The following ADAMTS1 variants were observed in gnomAD, a reference collection of about 807,000 sequenced individuals.
The protein encoded by ADAMTS1 is A disintegrin and metalloproteinase with thrombospondin motifs 1.
ADAMTS1 carries 19 observed loss-of-function variants against 87.9 expected under a neutral mutation model. The ratio of observed to expected loss-of-function variants is 0.22; its 90% CI spans 0.15 to 0.32. The LOEUF (loss-of-function observed/expected upper bound fraction) is 0.32, where lower values mean the gene tolerates loss of function less well. Ranked by LOEUF, ADAMTS1 falls within the 10% of genes least tolerant of loss-of-function variation. ADAMTS1 has a pLI of 1.00. For missense variants in ADAMTS1, 1,240 were observed against 1,259.1 expected (o/e 0.98, Z 0.23); for synonymous variants, 542 against 501.8 (o/e 1.08, Z -1.07).
In ADAMTS1 at chr21:26,838,048, C is replaced by A. The variant is rs747684126; in HGVS notation, c.2435G>T (p.Arg812Leu). 6.2e-7 allele frequency: 1 copy of A among 1,614,022 alleles called. No homozygotes were observed. Among genetic ancestry groups the A allele is most frequent in the East Asian group, 2.2e-5 (1 of 44,886 alleles). ...SGSSAALERI[R>L]SFSPLKEPLT... ...GGGCTCTTTGAGAGGGCTAAAGCTG[C>A]GAATTCTTTCCAATGCCGCAGAGGA... The change falls in exon 9 of 9, where the codon CGC becomes CTC. Residue 812 changes from arginine to leucine, a missense_variant. Around this residue, in one of 3 missense-constraint regions of ADAMTS1, gnomAD observed 402 missense variants for 399.1 expected, o/e 1.01. Transcript: ENST00000284984.
chr21:26,838,627 C>T lies in ADAMTS1; in HGVS notation c.2029-13G>A, dbSNP rs1291954987. ...TACCATCTACAACCTGAAAAAAGGACACATGTCTAGTGTTACATACAAGCA... is the reference window on the plus strand; with the variant it reads ...TACCATCTACAACCTGAAAAAAGGATACATGTCTAGTGTTACATACAAGCA... On this transcript the variant is annotated splice_polypyrimidine_tract_variant and intron_variant, in intron 7 of 8. Coordinates refer to ENST00000284984, the MANE Select transcript of ADAMTS1 (RefSeq NM_006988.5). The T allele has an allele frequency of 3.1e-6, 5 of 1,612,030 alleles. No individual in the cohort carries two copies. The Admixed American group carries it at 8.3e-5, about 27-fold the overall frequency.
intron 7 of ADAMTS1, chr21:26,838,837 T>C (rs1298653098): frequency 1.1e-5 from 5 of 459,128 alleles, no homozygotes; most frequent in South Asian, 4.9e-5. Flanking sequence ...TATTTATCTA[T>C]TGACCTATGT....
chr21:26,837,578 C>T lies in ADAMTS1; in HGVS notation c.*1G>A, dbSNP rs1985392970. 2 of 1,613,574 alleles carry T rather than the reference C, an allele frequency of 1.2e-6. No individual in the cohort carries two copies. Among genetic ancestry groups the T allele is most frequent in the East Asian group, 4.5e-5 (2 of 44,872 alleles). ...CTCAAAGCTAACACCACTTAAACCA[C>T]TTAACTGCATTCTGCCATTGTGCAA... is the stretch of plus-strand genomic sequence containing the variant. On this transcript the variant is annotated 3_prime_UTR_variant, in exon 9 of 9. Transcript: ENST00000284984.
intron 7 of ADAMTS1, 90 bp downstream of exon 7, chr21:26,839,497 G>T: frequency 8.3e-7 from 1 of 1,208,948 alleles, no homozygotes. Context: ...TGTTAATATG[G>T]AAAGCAAAGA....
Position 26,840,462 on chromosome 21 carries a change from C to A in ADAMTS1, c.1479G>T (p.Gly493=). Residue 493 remains glycine, a synonymous_variant, in exon 5 of 9, where the codon GGG becomes GGT. Coordinates refer to ENST00000284984, the MANE Select transcript of ADAMTS1 (RefSeq NM_006988.5). ...DANRQCQFTF[G]EDSKHCPDAA... is the part of the protein sequence containing the mutation. ...CATCGGGGCAGTGTTTGGAGTCCTC[C>A]CCAAATGTAAACTGGCACTGCCGGT... 1 of 1,614,110 alleles carries A rather than the reference C, an allele frequency of 6.2e-7. No individual in the cohort carries two copies. Among genetic ancestry groups the A allele is most frequent in the Non-Finnish European group, 8.5e-7 (1 of 1,179,980 alleles).
chr21:26,844,722 A>G lies in ADAMTS1; in HGVS notation c.233T>C (p.Leu78Pro). 6.3e-7 allele frequency: 1 copy of G among 1,579,662 alleles called. No homozygotes were observed. Among genetic ancestry groups the G allele is most frequent in the Non-Finnish European group, 8.6e-7 (1 of 1,161,600 alleles). Residue 78 changes from leucine to proline, a missense_variant, in exon 1 of 9, where the codon CTG becomes CCG. Physicochemically the swap from Leu to Pro is moderately conservative, Grantham distance 98. Coordinates refer to ENST00000284984, the MANE Select transcript of ADAMTS1 (RefSeq NM_006988.5). ...APGHGTTRLR[L>P]HAFDQQLDLE... Reference sequence around the variant, plus strand: ...ATCCAGCTGCTGGTCAAAGGCGTGCAGGCGGAGGCGCGTGGTCCCGTGTCC... The same window carrying G: ...ATCCAGCTGCTGGTCAAAGGCGTGCGGGCGGAGGCGCGTGGTCCCGTGTCC...
rs1985407888 is a variant in ADAMTS1 at position 26,838,002 on chromosome 21, A to C, written c.2481T>G (p.Thr827=). 3 of 1,614,126 alleles carry C rather than the reference A, an allele frequency of 1.9e-6. No homozygotes were observed. Among genetic ancestry groups the C allele is most frequent in the Non-Finnish European group, 2.5e-6 (3 of 1,180,056 alleles). ...TTTTAGGTCGAAGGGCATTGCCCAC[A>C]GTAAGAACCTGGATGGTCAAGGGCT... is the stretch of plus-strand genomic sequence containing the variant. ...LKEPLTIQVL[T]VGNALRPKIK... is the part of the protein sequence containing the mutation. Residue 827 remains threonine (T), a synonymous_variant, in exon 9 of 9, where the codon ACT becomes ACG. Coordinates refer to ENST00000284984, the MANE Select transcript of ADAMTS1 (RefSeq NM_006988.5).
Position 26,842,476 on chromosome 21 carries a change from C to A in ADAMTS1, c.940G>T (p.Asp314Tyr). The change falls in exon 2 of 9, where the codon GAT becomes TAT. Residue 314 changes from aspartate (D) to tyrosine (Y), a missense_variant. Asp to Tyr is a radical substitution (Grantham distance 160, BLOSUM62 -3). This residue lies in a region of ADAMTS1 where 521 missense variants were observed against 449.7 expected (regional missense o/e 1.16). Coordinates refer to ENST00000284984, the MANE Select transcript of ADAMTS1 (RefSeq NM_006988.5). ...GTCACTTCCGGCCCCTTCTGTTCAT[C>A]GTGGATGACCAAGATCTTCACCACC... ...LVVVKILVIHDEQKGPEVTSN... is the reference protein window; with the variant it reads ...LVVVKILVIHYEQKGPEVTSN... 1.2e-6 allele frequency: 2 copies of A among 1,614,086 alleles called. No homozygotes were observed. The highest frequency in any genetic ancestry group is 1.6e-4 in the Middle Eastern group (1 of 6,062).
Position 26,837,541 on chromosome 21 carries a change from C to A in ADAMTS1, c.*38G>T. ...CTTTCCCTGCACCAGCCCTTCCTCA[C>A]TTTGCCTTGCCCTCAAAGCTAACAC... On this transcript the variant is annotated 3_prime_UTR_variant, in exon 9 of 9. Transcript: ENST00000284984. 1 of 1,589,306 alleles carries A rather than the reference C, an allele frequency of 6.3e-7. No homozygotes were observed. The highest frequency in any genetic ancestry group is 1.1e-5 in the South Asian group (1 of 88,754).
Position 26,838,202 on chromosome 21 carries a change from A to C in ADAMTS1, c.2281T>G (p.Ser761Ala). The part of the protein sequence containing the change: ...IEVKQRNQRG[S>A]RNNGSFLAIK... ...GCAAGAAAGCTGCCATTGTTCCTGG[A>C]TCCCCTCTGGTTCCGCTGTTTCACT... The change falls in exon 9 of 9, where the codon TCC becomes GCC. Residue 761 changes from serine to alanine, a missense_variant. This residue lies in a region of ADAMTS1 where 402 missense variants were observed against 399.1 expected (regional missense o/e 1.01). Transcript: ENST00000284984. The C allele has an allele frequency of 6.2e-7, 1 of 1,614,048 alleles. No homozygotes were observed. The highest frequency in any genetic ancestry group is 1.7e-5 in the Admixed American group (1 of 60,016).
rs139811287 is a variant in ADAMTS1 at position 26,836,769 on chromosome 21, C to G, written c.*810G>C. On this transcript the variant is annotated 3_prime_UTR_variant, in exon 9 of 9. Transcript: ENST00000284984. ...AGTTACTTCTTTACATCCATATTCCCAAAGCAGGGTTACATGGTAGGAAAG... is the reference window on the plus strand; with the variant it reads ...AGTTACTTCTTTACATCCATATTCCGAAAGCAGGGTTACATGGTAGGAAAG... 215 of 152,466 alleles carry G rather than the reference C, an allele frequency of 1.4e-3. 1 individual carries two copies. The highest frequency in any genetic ancestry group is 4.7e-3 in the African/African-American group (195 of 41,562). The allele number at this position is 152,466 out of a possible 1,614,324, so 9.4% of individuals were successfully genotyped here.
chr21:26,845,168 T>G lies in ADAMTS1; in HGVS notation c.-214A>C. 1.8e-6 allele frequency: 1 copy of G among 558,818 alleles called. No homozygotes were observed. The highest frequency in any genetic ancestry group is 2.7e-6 in the Non-Finnish European group (1 of 370,104). The allele number at this position is 558,818 out of a possible 1,614,324, so 34.6% of individuals were successfully genotyped here. A position where few individuals can be genotyped will look rare whatever the true frequency, so the allele number is the denominator to read the frequency against. ...TCTGCCGGCGCGCGGGAAGTTTTTCTTCCAGCGCAAAGTTGGAGACACTGA... is the reference window on the plus strand; with the variant it reads ...TCTGCCGGCGCGCGGGAAGTTTTTCGTCCAGCGCAAAGTTGGAGACACTGA... On this transcript the variant is annotated 5_prime_UTR_variant, in exon 1 of 9. Coordinates refer to ENST00000284984, the MANE Select transcript of ADAMTS1 (RefSeq NM_006988.5).
In ADAMTS1 at chr21:26,842,530, G is replaced by T. The variant is rs775147853; in HGVS notation, c.886C>A (p.Pro296Thr). ...FSVAARLYKH[P>T]SIRNSVSLVV... ...AGGCTAACTGAATTACGAATGCTGG[G>T]GTGTTTGTACAATCTGGCTGCCACC... The change falls in exon 2 of 9, where the codon CCC becomes ACC. Residue 296 changes from proline to threonine, a missense_variant. Pro to Thr is a conservative substitution (Grantham distance 38). Coordinates refer to ENST00000284984, the MANE Select transcript of ADAMTS1 (RefSeq NM_006988.5). The T allele has an allele frequency of 3.1e-6, 5 of 1,614,128 alleles. No homozygotes were observed. The highest frequency in any genetic ancestry group is 2.5e-6 in the Non-Finnish European group (3 of 1,180,028).
chr21:26,841,835 C>T (rs1985499728), intron 3 of ADAMTS1, 23 bp downstream of exon 3: 13 of 1,604,782 alleles, frequency 8.1e-6, no homozygotes, highest in African/African-American at 1.3e-5. Flanking sequence ...TTGAGCTTAA[C>T]TTCTACTTTG....
In ADAMTS1 at chr21:26,845,124, TA is replaced by T; in HGVS notation, c.-171del. ...CTACAGCCGAAGCTCCCGGAGTCACTAAAAGGAGGCGCTGCAGTTCTGCCGG... is the reference window on the plus strand; with the variant it reads ...CTACAGCCGAAGCTCCCGGAGTCACTAAAGGAGGCGCTGCAGTTCTGCCGG... On this transcript the variant is annotated 5_prime_UTR_variant, in exon 1 of 9. Transcript: ENST00000284984. 1.0e-6 allele frequency: 1 copy of T among 962,302 alleles called. No homozygotes were observed. The allele number at this position is 962,302 out of a possible 1,614,324, so 59.6% of individuals were successfully genotyped here. A position where few individuals can be genotyped will look rare whatever the true frequency, so the allele number is the denominator to read the frequency against.
In ADAMTS1 at chr21:26,844,976, T is replaced by A. The variant is rs1018121674; in HGVS notation, c.-22A>T. The A allele has an allele frequency of 2.0e-6, 3 of 1,494,472 alleles. No individual in the cohort carries two copies. Among genetic ancestry groups the A allele is most frequent in the Non-Finnish European group, 2.7e-6 (3 of 1,125,496 alleles). 92.6% of individuals were successfully genotyped at this position (1,494,472 alleles called of 1,614,324 possible). ...GCATTGGAGCCCCAGGAGACACCGCTCGTAGCAGCGCACGGAGCGAGGGAC... is the reference window on the plus strand; with the variant it reads ...GCATTGGAGCCCCAGGAGACACCGCACGTAGCAGCGCACGGAGCGAGGGAC... On this transcript the variant is annotated 5_prime_UTR_variant, in exon 1 of 9. Coordinates refer to ENST00000284984, the MANE Select transcript of ADAMTS1 (RefSeq NM_006988.5).
Position 26,840,326 on chromosome 21 carries a change from A to G in ADAMTS1, c.1615T>C (p.Trp539Arg), listed in dbSNP as rs759841803. 2 of 1,614,018 alleles carry G rather than the reference A, an allele frequency of 1.2e-6. No individual in the cohort carries two copies. The highest frequency in any genetic ancestry group is 1.1e-5 in the South Asian group (1 of 91,082). Residue 539 changes from tryptophan (W) to arginine (R), a missense_variant, in exon 5 of 9, where the codon TGG (tryptophan) becomes CGG (arginine). This residue lies in a region of ADAMTS1 where 317 missense variants were observed against 410.3 expected (regional missense o/e 0.77). Coordinates refer to ENST00000284984, the MANE Select transcript of ADAMTS1 (RefSeq NM_006988.5). ...ADGTSCGEGK[W>R]CINGKCVNKT... ...TTCACACACTTGCCGTTGATACACC[A>G]TTTCCCTTCTCCACAGCTGGTGCCA...
Position 26,840,046 on chromosome 21 carries a change from T to A in ADAMTS1, c.1681A>T (p.Ser561Cys). The A allele has an allele frequency of 2.5e-6, 4 of 1,613,138 alleles. No homozygotes were observed. Among genetic ancestry groups the A allele is most frequent in the Non-Finnish European group, 3.4e-6 (4 of 1,179,782 alleles). ...RKHFDTPFHG[S>C]WGMWGPWGDC... is the part of the protein sequence containing the mutation. ...CCCCAAGGCCCCCACATTCCCCAGCTTCCATGAAAAGGCGTCTAAATGGAG... is the reference window on the plus strand; with the variant it reads ...CCCCAAGGCCCCCACATTCCCCAGCATCCATGAAAAGGCGTCTAAATGGAG... Residue 561 changes from serine to cysteine, a missense_variant, in exon 6 of 9, where the codon AGC (serine) becomes TGC (cysteine). Ser to Cys is a moderately radical substitution (Grantham distance 112). Around this residue, in one of 3 missense-constraint regions of ADAMTS1, gnomAD observed 317 missense variants for 410.3 expected, o/e 0.77. Coordinates refer to ENST00000284984, the MANE Select transcript of ADAMTS1 (RefSeq NM_006988.5).
rs1320190381 is a variant in ADAMTS1, at chr21:26,837,536, C to T, written c.*43G>A. ...TCTTGCTTTCCCTGCACCAGCCCTT[C>T]CTCACTTTGCCTTGCCCTCAAAGCT... On this transcript the variant is annotated 3_prime_UTR_variant, in exon 9 of 9. Transcript: ENST00000284984. 6.4e-7 allele frequency: 1 copy of T among 1,573,272 alleles called. No homozygotes were observed. Among genetic ancestry groups the T allele is most frequent in the African/African-American group, 1.4e-5 (1 of 73,988 alleles).
Sources: allele counts gnomAD v4.1 joint callset, GRCh38; gene constraint gnomAD v4.1.1; regional missense constraint gnomAD v4.1.1; transcripts MANE v1.5; gene names NCBI Gene and HGNC (gene_info 2026-07-23, HGNC 2026-07-21).